PDGFC: variants seen among roughly 807,000 people sequenced by gnomAD.
The protein encoded by PDGFC is platelet-derived growth factor C.
A neutral mutation model predicts 35.5 loss-of-function variants in PDGFC; 12 were observed. The observed-to-expected ratio is 0.34, with a 90% CI of 0.22 to 0.55. The LOEUF (loss-of-function observed/expected upper bound fraction) is 0.55. PDGFC is among the 20% of genes least tolerant of loss of function. The pLI is 0.91. For synonymous variants in PDGFC, 159 were observed against 148.8 expected, an observed-to-expected ratio of 1.07 and a Z score of -0.50; for missense variants, 322 against 412.4, an observed-to-expected ratio of 0.78 and a Z score of 1.90.
chr4:156,932,736 G>A (rs111798549), intron 1 of PDGFC, among the ~76,000 whole-genome samples: 9,045 of 131,664 alleles, frequency 0.069, 1,108 homozygotes, highest in African/African-American at 0.25. Context: ...TCACACACCG[G>A]GGCCTGTTGT....
At chr4:156,765,895 A>G (rs762121828) in intron 5 of PDGFC, among the ~76,000 whole-genome samples, 2 of 152,160 alleles carry the variant, frequency 1.3e-5, no homozygotes, top group Non-Finnish European at 2.9e-5. Flanking sequence ...GCCAGGCTTA[A>G]TTCTAAGTGT....
rs980900086 is a variant in PDGFC, at chr4:156,763,621, T to G, written c.922-415A>C. Among the ~76,000 whole-genome samples the G allele has an allele frequency of 3.3e-5, 5 of 152,322 alleles. No homozygotes were observed. In the East Asian group the frequency reaches 9.6e-4, roughly 29 times the overall value. Reference sequence around the variant, plus strand: ...CACACATTTAACAAATATTTATACTTGATGCAATACACTCAAGTGCAGAAA... The same window carrying G: ...CACACATTTAACAAATATTTATACTGGATGCAATACACTCAAGTGCAGAAA... On this transcript the variant is annotated intron_variant, in intron 5 of 5. Coordinates refer to ENST00000502773, the MANE Select transcript of PDGFC (RefSeq NM_016205.3).
chr4:156,869,598 T>C (rs1002466962), intron 1 of PDGFC, among the ~76,000 whole-genome samples: 1 of 152,164 alleles, frequency 6.6e-6, no homozygotes, highest in Non-Finnish European at 1.5e-5. Context: ...AGTTTTGTAA[T>C]TTTTAATCAA....
intron 1 of PDGFC, among the ~76,000 whole-genome samples, chr4:156,929,646 AATGATTT>A (rs1448073506): frequency 6.6e-6 from 1 of 152,202 alleles, no homozygotes; most frequent in Non-Finnish European, 1.5e-5. Context: ...TCCTTCAGTG[AATGATTT>A]ACTGTTCAGT....
At chr4:156,924,595 C>CA (rs1731362828) in intron 1 of PDGFC, among the ~76,000 whole-genome samples, 1 of 151,936 alleles carries the variant, frequency 6.6e-6, no homozygotes, top group Non-Finnish European at 1.5e-5. Context: ...GATTAAAATG[C>CA]AAAAAGTTTA....
intron 4 of PDGFC, among the ~76,000 whole-genome samples, chr4:156,771,320 C>T (rs1348812917): frequency 6.6e-6 from 1 of 152,072 alleles, no homozygotes; most frequent in Non-Finnish European, 1.5e-5. Flanking sequence ...ATTCACTGCC[C>T]CTGCTTCTTA....
Position 156,820,608 on chromosome 4 carries a change from C to A in PDGFC, c.315-9591G>T, listed in dbSNP as rs149079129. On this transcript the variant is annotated intron_variant, in intron 2 of 5. Transcript: ENST00000502773. The stretch of plus-strand genomic sequence containing the variant: ...TTTGCTTTATTGCAGTGATCTGGTA[C>A]CTAACCAACAATATCTCCAAGGTAC... 6.2e-4 allele frequency among the ~76,000 whole-genome samples: 95 copies of A among 152,210 alleles called. No individual in the cohort carries two copies. The East Asian group carries it at 0.017, about 28-fold the overall frequency.
At chr4:156,862,989 G>A (rs993941186) in intron 1 of PDGFC, among the ~76,000 whole-genome samples, 2 of 151,748 alleles carry the variant, frequency 1.3e-5, no homozygotes, top group Non-Finnish European at 2.9e-5. Context: ...CACCACAACC[G>A]GCCTATGTAT....
chr4:156,865,594 C>T (rs181569789), intron 1 of PDGFC, among the ~76,000 whole-genome samples: 17 of 152,188 alleles, frequency 1.1e-4, no homozygotes, highest in African/African-American at 3.4e-4. Flanking sequence ...TAAAGCTATA[C>T]TGTAAAAGAC....
At chr4:156,795,256 T>C (rs1052845826) in intron 3 of PDGFC, among the ~76,000 whole-genome samples, 1 of 152,070 alleles carries the variant, frequency 6.6e-6, no homozygotes, top group African/African-American at 2.4e-5. Context: ...ATAAAATGAG[T>C]TACTATAAAA....
chr4:156,856,098 A>C (rs1333330613), intron 1 of PDGFC, among the ~76,000 whole-genome samples: 5 of 152,170 alleles, frequency 3.3e-5, no homozygotes, highest in Admixed American at 3.3e-4. Context: ...TTTCTGCTTT[A>C]TCATCATTTC....
chr4:156,766,900 T>C (rs1730553091), intron 5 of PDGFC, among the ~76,000 whole-genome samples: 1 of 152,170 alleles, frequency 6.6e-6, no homozygotes, highest in Admixed American at 6.6e-5. Flanking sequence ...ACTGAAATCT[T>C]GATGCATATG....
chr4:156,827,953 CG>C (rs1328263797), intron 2 of PDGFC, among the ~76,000 whole-genome samples: 2 of 152,134 alleles, frequency 1.3e-5, no homozygotes, highest in Non-Finnish European at 2.9e-5. Flanking sequence ...AAAGCAAATG[CG>C]TGAAACAGTG....
At chr4:156,797,251 A>G (rs10026997) in intron 3 of PDGFC, among the ~76,000 whole-genome samples, 12 of 150,446 alleles carry the variant, frequency 8.0e-5, no homozygotes, top group Non-Finnish European at 1.6e-4. Context: ...AAAAAAAAGA[A>G]AAAAAAAAGA....
At chr4:156,885,661 G>A (rs1452093813) in intron 1 of PDGFC, among the ~76,000 whole-genome samples, 1 of 152,052 alleles carries the variant, frequency 6.6e-6, no homozygotes, top group Non-Finnish European at 1.5e-5. Context: ...GGAGGCTGAG[G>A]TGAGAGTACT....
At chr4:156,958,826 G>A (rs917930397) in intron 1 of PDGFC, among the ~76,000 whole-genome samples, 3 of 152,028 alleles carry the variant, frequency 2.0e-5, no homozygotes, top group Non-Finnish European at 4.4e-5. Flanking sequence ...TCTGCTAAAA[G>A]CAAGATAACT....
At chr4:156,813,873 C>T (rs1432851354) in intron 2 of PDGFC, among the ~76,000 whole-genome samples, 5 of 152,080 alleles carry the variant, frequency 3.3e-5, no homozygotes, top group African/African-American at 1.2e-4. Flanking sequence ...ATATCATTAG[C>T]TTTGGGTGAC....
At chr4:156,767,132 G>A (rs1204004212) in intron 5 of PDGFC, among the ~76,000 whole-genome samples, 1 of 151,748 alleles carries the variant, frequency 6.6e-6, no homozygotes, top group Non-Finnish European at 1.5e-5. Flanking sequence ...GATTTAATTG[G>A]GAGACTCCAT....
chr4:156,868,979 T>C (rs1307619903), intron 1 of PDGFC, among the ~76,000 whole-genome samples: 2 of 152,170 alleles, frequency 1.3e-5, no homozygotes, highest in African/African-American at 4.8e-5. Flanking sequence ...TACTGCAAAC[T>C]CACGATCAGT....
Sources: allele counts gnomAD v4.1 joint callset (sites outside exome capture counted in the v4.1 genomes callset), GRCh38; gene constraint gnomAD v4.1.1; transcripts MANE v1.5; gene names NCBI Gene and HGNC (gene_info 2026-07-23, HGNC 2026-07-21).